Variants in KCND2 observed in about 807,000 individuals in gnomAD.
KCND2 encodes A-type voltage-gated potassium channel KCND2.
KCND2 carries 16 observed loss-of-function variants against 54.4 expected under a neutral mutation model. The observed-to-expected ratio is 0.29, with a 90% confidence interval of 0.20 to 0.45. The LOEUF (loss-of-function observed/expected upper bound fraction) is 0.45. Ranked by LOEUF, KCND2 falls within the 20% of genes least tolerant of loss-of-function variation. KCND2 has a pLI of 1.00. For missense variants in KCND2, 486 were observed against 824.2 expected (o/e 0.59, Z 5.02); for synonymous variants, 317 against 310.7 (o/e 1.02, Z -0.21).
chr7:120,448,037 A>T (rs1802043239), intron 1 of KCND2, among the ~76,000 whole-genome samples: 1 of 152,188 alleles, frequency 6.6e-6, no homozygotes, highest in Non-Finnish European at 1.5e-5. Flanking sequence ...TTTTAAAAAA[A>T]TTATTATCAT....
intron 1 of KCND2, among the ~76,000 whole-genome samples, chr7:120,604,212 T>G (rs1792849439): frequency 6.6e-6 from 1 of 151,906 alleles, no homozygotes; most frequent in Admixed American, 6.6e-5. Flanking sequence ...TTCATAATTT[T>G]AAACTAAGGC....
chr7:120,738,411 C>A (rs980541419), intron 2 of KCND2, among the ~76,000 whole-genome samples: 5 of 152,020 alleles, frequency 3.3e-5, no homozygotes, highest in Non-Finnish European at 7.4e-5. Flanking sequence ...ACAAAAGCTG[C>A]AGCTATGAAG....
intron 1 of KCND2, among the ~76,000 whole-genome samples, chr7:120,571,973 G>A (rs1335014251): frequency 2.6e-5 from 4 of 152,238 alleles, no homozygotes; most frequent in Non-Finnish European, 5.9e-5. Flanking sequence ...ACAGTAAGCA[G>A]ACATGCCTAG....
chr7:120,582,226 A>G (rs1792525230), intron 1 of KCND2, among the ~76,000 whole-genome samples: 1 of 152,078 alleles, frequency 6.6e-6, no homozygotes. Flanking sequence ...GCTGTCCCTA[A>G]AAGATCCCAA....
chr7:120,699,987 T>A lies in KCND2; in HGVS notation c.1116-32916T>A, dbSNP rs148973371. The stretch of plus-strand genomic sequence containing the variant: ...ATGGAGGAAGAAAAGATACAAGTAG[T>A]TAAGAATAGGGTGTGGCTGCTAAGT... On this transcript the variant is annotated intron_variant, in intron 1 of 5. Transcript: ENST00000331113. 5.6e-3 allele frequency among the ~76,000 whole-genome samples: 859 copies of A among 152,054 alleles called. 2 individuals are homozygous for A. The highest frequency in any genetic ancestry group is 9.2e-3 in the Admixed American group (141 of 15,270).
At chr7:120,722,722 T>C (rs1275913057) in intron 1 of KCND2, among the ~76,000 whole-genome samples, 1 of 152,184 alleles carries the variant, frequency 6.6e-6, no homozygotes, top group Non-Finnish European at 1.5e-5. Flanking sequence ...TTAGGCTGTG[T>C]AAACTCAGAT....
intron 1 of KCND2, chr7:120,672,793 A>G (rs1272348932): frequency 1.3e-5 from 2 of 152,246 alleles, no homozygotes; most frequent in African/African-American, 4.8e-5. Flanking sequence ...GAGGTGATTA[A>G]TAAGTTAAAA....
chr7:120,731,498 G>A (rs1402810435), intron 1 of KCND2, among the ~76,000 whole-genome samples: 1 of 152,198 alleles, frequency 6.6e-6, no homozygotes, highest in Non-Finnish European at 1.5e-5. Context: ...CTTGGTGAAA[G>A]GTGGTGTAAA....
intron 2 of KCND2, among the ~76,000 whole-genome samples, chr7:120,734,042 A>C (rs1792841309): frequency 6.6e-6 from 1 of 152,136 alleles, no homozygotes; most frequent in Non-Finnish European, 1.5e-5. Flanking sequence ...GCAGCCTTTG[A>C]AGCCAGAGTA....
At chr7:120,452,011 T>TG (rs1241815180) in intron 1 of KCND2, among the ~76,000 whole-genome samples, 1 of 152,224 alleles carries the variant, frequency 6.6e-6, no homozygotes, top group Non-Finnish European at 1.5e-5. Context: ...ACATTTTTAA[T>TG]GAAAAAATAT....
rs570351199 is a variant in KCND2 at position 120,509,991 on chromosome 7, C to A, written c.1116-222912C>A. Among the ~76,000 whole-genome samples the A allele has an allele frequency of 2.6e-5, 4 of 152,138 alleles. No homozygotes were observed. In the South Asian group the frequency reaches 8.3e-4, roughly 32 times the overall value. ...TCATTGGACATCTAGCCACAAGACC[C>A]TACAGGAAGCAATCCCTTTTCCCCC... is the stretch of plus-strand genomic sequence containing the variant. On this transcript the variant is annotated intron_variant, in intron 1 of 5. Transcript: ENST00000331113.
At chr7:120,323,266 T>G (rs1799920425) in intron 1 of KCND2, among the ~76,000 whole-genome samples, 3 of 152,062 alleles carry the variant, frequency 2.0e-5, no homozygotes, top group African/African-American at 2.4e-5. Flanking sequence ...TGTTCCTGTG[T>G]TAGTTTGGAT....
chr7:120,473,379 C>A (rs535168523), intron 1 of KCND2, among the ~76,000 whole-genome samples: 3 of 152,244 alleles, frequency 2.0e-5, no homozygotes, highest in African/African-American at 7.2e-5. Context: ...GAGAGGATTT[C>A]GGTCCGGTTT....
intron 1 of KCND2, among the ~76,000 whole-genome samples, chr7:120,722,856 G>A (rs1032391359): frequency 8.5e-5 from 13 of 152,154 alleles, no homozygotes; most frequent in African/African-American, 2.9e-4. Context: ...TCTTCCCCTG[G>A]CAAAGGCACT....
At chr7:120,476,211 T>C (rs1043416174) in intron 1 of KCND2, among the ~76,000 whole-genome samples, 1 of 152,218 alleles carries the variant, frequency 6.6e-6, no homozygotes, top group Non-Finnish European at 1.5e-5. Context: ...ATCTCAATAT[T>C]GAAACCTTTC....
Position 120,275,464 on chromosome 7 carries a change from G to A in KCND2, c.832G>A (p.Val278Met). The A allele has an allele frequency of 6.2e-7, 1 of 1,613,542 alleles. No homozygotes were observed. Among genetic ancestry groups the A allele is most frequent in the Non-Finnish European group, 8.5e-7 (1 of 1,179,798 alleles). ...CATCCTGCCTTATTACATTGGGCTG[G>A]TGATGACAGACAATGAGGACGTCAG... is the stretch of plus-strand genomic sequence containing the variant. ...VAILPYYIGL[V>M]MTDNEDVSGA... Residue 278 changes from valine to methionine, a missense_variant, in exon 1 of 6, where the codon GTG (valine) becomes ATG (methionine). Physicochemically the swap from Val to Met is conservative, Grantham distance 21. Around this residue, in one of 7 missense-constraint regions of KCND2, gnomAD observed 231 missense variants for 386.0 expected, o/e 0.60. Coordinates refer to ENST00000331113, the MANE Select transcript of KCND2 (RefSeq NM_012281.3).
chr7:120,403,666 A>G (rs941921081), intron 1 of KCND2, among the ~76,000 whole-genome samples: 7 of 151,878 alleles, frequency 4.6e-5, no homozygotes, highest in Non-Finnish European at 8.8e-5. Context: ...AATTGAAAAC[A>G]ATTTCACATT....
chr7:120,709,971 A>C (rs66784957), intron 1 of KCND2, among the ~76,000 whole-genome samples: 28,167 of 152,130 alleles, frequency 0.19, 3,107 homozygotes, highest in African/African-American at 0.3. Flanking sequence ...ACAAGCTCAA[A>C]GATAAAATTA....
At chr7:120,469,221 G>A (rs924744446) in intron 1 of KCND2, among the ~76,000 whole-genome samples, 1 of 152,100 alleles carries the variant, frequency 6.6e-6, no homozygotes, top group Non-Finnish European at 1.5e-5. Flanking sequence ...GTGAAGCTCA[G>A]CACTTCATCT....
Sources: allele counts gnomAD v4.1 joint callset (sites outside exome capture counted in the v4.1 genomes callset), GRCh38; gene constraint gnomAD v4.1.1; regional missense constraint gnomAD v4.1.1; transcripts MANE v1.5; gene names NCBI Gene and HGNC (gene_info 2026-07-23, HGNC 2026-07-21).